Variants in OSGIN2 observed in about 807,000 individuals in gnomAD.
The protein encoded by OSGIN2 is oxidative stress induced growth inhibitor family member 2, also known as oxidative stress-induced growth inhibitor 2.
OSGIN2 carries 19 observed loss-of-function variants against 53.8 expected under a neutral mutation model. The observed-to-expected ratio is 0.35, with a 90% CI of 0.25 to 0.52. OSGIN2 has a LOEUF of 0.52. Ranked by LOEUF, OSGIN2 falls within the 20% of genes least tolerant of loss-of-function variation. The pLI is 0.95. For synonymous variants in OSGIN2, 236 were observed against 236.0 expected (o/e 1.00, Z 0.00); for missense variants, 520 against 662.7 (o/e 0.78, Z 2.36).
At chr8:89,923,433 A>C (rs1226248044) in intron 5 of OSGIN2, among the ~76,000 whole-genome samples, 9 of 152,230 alleles carry the variant, frequency 5.9e-5, no homozygotes. Flanking sequence ...ACAGTCCCTG[A>C]TTAATCATGG....
chr8:89,922,291 C>T (rs1198778847), intron 5 of OSGIN2, among the ~76,000 whole-genome samples: 1 of 152,186 alleles, frequency 6.6e-6, no homozygotes, highest in South Asian at 2.1e-4. Context: ...AAATTTACAT[C>T]ATCATGGGTA....
intron 2 of OSGIN2, among the ~76,000 whole-genome samples, chr8:89,911,202 C>A (rs1808959757): frequency 6.6e-6 from 1 of 152,150 alleles, no homozygotes; most frequent in East Asian, 1.9e-4. Context: ...GGGAAAAGTT[C>A]TCTATTTTTA....
rs1809037876 is a variant in OSGIN2 at position 89,914,548 on chromosome 8, C to T, written c.337-7C>T. ...TTTCAAACTCTGTCTCCCTTTTGTT[C>T]ATTCAGGACTTAGAATACTTGTCTG... On this transcript the variant is annotated splice_region_variant and splice_polypyrimidine_tract_variant and intron_variant, in intron 3 of 5. Transcript: ENST00000451899. The T allele has an allele frequency of 1.2e-6, 2 of 1,608,272 alleles. No homozygotes were observed. Among genetic ancestry groups the T allele is most frequent in the Non-Finnish European group, 1.7e-6 (2 of 1,176,164 alleles).
intron 3 of OSGIN2, 107 bp downstream of exon 3, chr8:89,914,320 C>T: frequency 1.3e-6 from 1 of 750,456 alleles, no homozygotes; most frequent in Non-Finnish European, 2.1e-6. Flanking sequence ...TAAATAACAC[C>T]TTATATCATT....
chr8:89,905,709 A>T (rs1808826593), intron 1 of OSGIN2, among the ~76,000 whole-genome samples: 1 of 152,240 alleles, frequency 6.6e-6, no homozygotes, highest in Non-Finnish European at 1.5e-5. Context: ...AAATCAGAGC[A>T]GATTACCTAT....
At chr8:89,905,963 T>TTA in intron 1 of OSGIN2, among the ~76,000 whole-genome samples, 2 of 152,172 alleles carry the variant, frequency 1.3e-5, no homozygotes, top group Non-Finnish European at 2.9e-5. Context: ...ATGAAATACA[T>TTA]AAGAATAAAT....
chr8:89,925,762 T>G lies in OSGIN2; in HGVS notation c.*230T>G. ...GAAACACTGCCAACTTGGTGTAACT[T>G]AAGCTTTCATTTAACTAAAACATTC... On this transcript the variant is annotated 3_prime_UTR_variant, in exon 6 of 6. Coordinates refer to ENST00000451899, the MANE Select transcript of OSGIN2 (RefSeq NM_001126111.3). 2.3e-6 allele frequency: 1 copy of G among 435,296 alleles called. No individual in the cohort carries two copies. The highest frequency in any genetic ancestry group is 4.1e-6 in the Non-Finnish European group (1 of 245,154). The allele number at this position is 435,296 out of a possible 1,614,324, so 27.0% of individuals were successfully genotyped here.
In OSGIN2 at chr8:89,920,651, G is replaced by A. The variant is rs1318835676; in HGVS notation, c.529-429G>A. Among the ~76,000 whole-genome samples, 10 of 152,300 alleles carry A rather than the reference G, an allele frequency of 6.6e-5. No homozygotes were observed. In the East Asian group the frequency reaches 1.5e-3, roughly 23 times the overall value. ...CTTCTTTGTTGCTAATTAAAAGAAAGTTAATAATATTAAAATGGAAAGCCA... is the reference window on the plus strand; with the variant it reads ...CTTCTTTGTTGCTAATTAAAAGAAAATTAATAATATTAAAATGGAAAGCCA... On this transcript the variant is annotated intron_variant, in intron 4 of 5. Transcript: ENST00000451899.
chr8:89,902,662 C>CGAGGCGCGAGGCA lies in OSGIN2; in HGVS notation c.-130_-118dup, dbSNP rs1376736140. On this transcript the variant is annotated 5_prime_UTR_variant, in exon 1 of 6. Transcript: ENST00000451899. ...AGAGCCGGGGCAGCCGCGGCAACGG[C>CGAGGCGCGAGGCA]GAGGCGCGAGGCAGGGGCGCCCGGC... The CGAGGCGCGAGGCA allele has an allele frequency of 5.0e-6, 1 of 199,394 alleles. No individual in the cohort carries two copies. The highest frequency in any genetic ancestry group is 9.0e-6 in the Non-Finnish European group (1 of 110,892). The allele number at this position is 199,394 out of a possible 1,614,324, so 12.4% of individuals were successfully genotyped here. A position where few individuals can be genotyped will look rare whatever the true frequency, so the allele number is the denominator to read the frequency against.
rs749865611 is a variant in OSGIN2 at position 89,924,790 on chromosome 8, C to T, written c.908C>T (p.Ala303Val). Residue 303 changes from alanine (A) to valine (V), a missense_variant, in exon 6 of 6, where the codon GCG (alanine) becomes GTG (valine). Ala to Val is a moderately conservative substitution (Grantham distance 64). This residue lies in a region of OSGIN2 where 239 missense variants were observed against 328.3 expected (regional missense o/e 0.73). Coordinates refer to ENST00000451899, the MANE Select transcript of OSGIN2 (RefSeq NM_001126111.3). ...TTCTGCCTCTTTGCTGAGAATGTAG[C>T]GCTGGCAACTGGAACGCTGGATTCT... ...VPFCLFAENV[A>V]LATGTLDSPA... The T allele has an allele frequency of 1.7e-5, 27 of 1,614,002 alleles. No homozygotes were observed. Among genetic ancestry groups the T allele is most frequent in the South Asian group, 1.1e-4 (10 of 91,086 alleles).
intron 4 of OSGIN2, among the ~76,000 whole-genome samples, chr8:89,918,278 T>TA (rs1401695157): frequency 6.6e-6 from 1 of 152,170 alleles, no homozygotes; most frequent in Non-Finnish European, 1.5e-5. Flanking sequence ...CCTTTTCTGA[T>TA]ACCTTTGTGG....
intron 1 of OSGIN2, among the ~76,000 whole-genome samples, chr8:89,904,167 C>T (rs912437402): frequency 5.3e-5 from 8 of 152,136 alleles, no homozygotes; most frequent in African/African-American, 1.7e-4. Flanking sequence ...ACTGAGACAG[C>T]GGTTTGAAGG....
At position 89,927,497 on chromosome 8, in the gene OSGIN2, C is replaced by CTT. The variant is rs1809370949; in HGVS notation, c.*1967_*1968dup. 1 of 152,184 alleles carries CTT rather than the reference C, an allele frequency of 6.6e-6. No homozygotes were observed. Among genetic ancestry groups the CTT allele is most frequent in the Non-Finnish European group, 1.5e-5 (1 of 68,036 alleles). The allele number at this position is 152,184 out of a possible 1,614,324, so 9.4% of individuals were successfully genotyped here. On this transcript the variant is annotated 3_prime_UTR_variant, in exon 6 of 6. Coordinates refer to ENST00000451899, the MANE Select transcript of OSGIN2 (RefSeq NM_001126111.3). ...AAATTTCTGTCCCGTAATTCTAACA[C>CTT]TTTACATTTTTTCTTTGCTATCAGC...
intron 4 of OSGIN2, 55 bp from the exon 5 acceptor site, chr8:89,921,025 A>T: frequency 1.8e-6 from 2 of 1,089,896 alleles, no homozygotes; most frequent in Non-Finnish European, 2.7e-6. Flanking sequence ...GACCAAAAAA[A>T]ACCATGTTAC....
intron 2 of OSGIN2, among the ~76,000 whole-genome samples, chr8:89,910,915 C>T (rs775251951): frequency 7.2e-5 from 11 of 152,194 alleles, no homozygotes; most frequent in Non-Finnish European, 1.5e-4. Flanking sequence ...GCATAAAGAG[C>T]TAATTTCTTA....
chr8:89,907,224 T>A (rs1019668969), intron 1 of OSGIN2, among the ~76,000 whole-genome samples: 6 of 152,184 alleles, frequency 3.9e-5, no homozygotes, highest in Admixed American at 2.6e-4. Context: ...GTTTACTCTG[T>A]TGATAGTTTC....
rs147197097 is a variant in OSGIN2 at position 89,916,917 on chromosome 8, A to G, written c.528+2171A>G. Among the ~76,000 whole-genome samples, 1,313 of 152,100 alleles carry G rather than the reference A, an allele frequency of 8.6e-3. 69 individuals are homozygous for G. The highest frequency in any genetic ancestry group is 0.074 in the Admixed American group (1,137 of 15,266). ...AGGTTGGTCTTCTCTTCACACCCCT[A>G]TGCACTTGTGTAAAAAGCCCTGTTC... is the stretch of plus-strand genomic sequence containing the variant. On this transcript the variant is annotated intron_variant, in intron 4 of 5. Transcript: ENST00000451899.
chr8:89,911,627 TAAAAAAAAAAAA>T (rs76846705), intron 2 of OSGIN2, among the ~76,000 whole-genome samples: 2 of 93,946 alleles, frequency 2.1e-5, no homozygotes, highest in African/African-American at 8.0e-5. Flanking sequence ...AAACTCTGTC[TAAAAAAAAAAAA>T]AAAAAGAAAA....
At position 89,925,329 on chromosome 8, in the gene OSGIN2, T is replaced by C. The variant is rs1809299910; in HGVS notation, c.1447T>C (p.Cys483Arg). The change falls in exon 6 of 6, where the codon TGT (cysteine) becomes CGT (arginine). Residue 483 changes from cysteine (C) to arginine (R), a missense_variant. Around this residue, in one of 3 missense-constraint regions of OSGIN2, gnomAD observed 239 missense variants for 328.3 expected, o/e 0.73. Transcript: ENST00000451899. ...LGHKSSQPIT[C>R]KGNPVEIDTY... ...CCATAAGTCAAGCCAGCCAATCACA[T>C]GTAAGGGTAATCCTGTGGAAATAGA... is the stretch of plus-strand genomic sequence containing the variant. 6.2e-7 allele frequency: 1 copy of C among 1,614,078 alleles called. No individual in the cohort carries two copies.
Sources: allele counts gnomAD v4.1 joint callset (sites outside exome capture counted in the v4.1 genomes callset), GRCh38; gene constraint gnomAD v4.1.1; regional missense constraint gnomAD v4.1.1; transcripts MANE v1.5; gene names NCBI Gene and HGNC (gene_info 2026-07-23, HGNC 2026-07-21).